AKAP1: variants seen among roughly 807,000 people sequenced by gnomAD.
The protein encoded by AKAP1 is A-kinase anchor protein 1, mitochondrial.
A neutral mutation model predicts 79.8 loss-of-function variants in AKAP1; 32 were observed. That is an observed-to-expected ratio of 0.40 (90% CI 0.30 to 0.54). The LOEUF (loss-of-function observed/expected upper bound fraction) is 0.54, where lower values mean the gene tolerates loss of function less well. Among genes scored for constraint, AKAP1 ranks in the 20% least tolerant of loss-of-function variants. The probability of loss-of-function intolerance (pLI) is 0.47; values close to 1 mark genes in which losing one functional copy is unlikely to be tolerated. For missense variants in AKAP1, 961 were observed against 1,138.9 expected, an observed-to-expected ratio of 0.84 and a Z score of 2.25; for synonymous variants, 416 against 466.7, an observed-to-expected ratio of 0.89 and a Z score of 1.40.
At chr17:57,099,084 T>G (rs1191928079) in intron 1 of AKAP1, among the ~76,000 whole-genome samples, 2 of 151,930 alleles carry the variant, frequency 1.3e-5, no homozygotes, top group Non-Finnish European at 2.9e-5. Flanking sequence ...TCTTGACTAG[T>G]GGGAAGTGGG....
chr17:57,109,078 C>T (rs1248014778), intron 2 of AKAP1, among the ~76,000 whole-genome samples: 1 of 152,204 alleles, frequency 6.6e-6, no homozygotes, highest in Non-Finnish European at 1.5e-5. Flanking sequence ...CCTTAGTTCT[C>T]TGCATCCAGT....
intron 2 of AKAP1, chr17:57,107,797 T>C (rs1176088552): frequency 2.4e-6 from 1 of 418,886 alleles, no homozygotes; most frequent in Non-Finnish European, 4.6e-6. Context: ...CTTGTTCCCA[T>C]GTCTTCACCT....
rs1183802304 is a variant in AKAP1 at position 57,086,574 on chromosome 17, T to C, written c.-25+1176T>C. 1 of 383,370 alleles carries C rather than the reference T, an allele frequency of 2.6e-6. No individual in the cohort carries two copies. Among genetic ancestry groups the C allele is most frequent in the Non-Finnish European group, 5.1e-6 (1 of 194,918 alleles). The allele number at this position is 383,370 out of a possible 1,614,324, so 23.7% of individuals were successfully genotyped here. A position where few individuals can be genotyped will look rare whatever the true frequency, so the allele number is the denominator to read the frequency against. On this transcript the variant is annotated intron_variant, in intron 1 of 10. Coordinates refer to ENST00000337714, the MANE Select transcript of AKAP1 (RefSeq NM_003488.4). This position sits in a 1 kb window ranked among gnomAD's most constrained non-coding sequence, Gnocchi z 5.1. ...GGCCTCTCAAGCTGGGTAGGGTGTA[T>C]GCGCAGGGCAATTAGTGAGGTTAAC...
At chr17:57,104,896 T>G (rs1914745011) in intron 1 of AKAP1, among the ~76,000 whole-genome samples, 1 of 152,246 alleles carries the variant, frequency 6.6e-6, no homozygotes, top group Non-Finnish European at 1.5e-5. Context: ...CTGGAGCATC[T>G]CCTTAGCCAT....
intron 5 of AKAP1, among the ~76,000 whole-genome samples, chr17:57,112,836 G>GT (rs1347242970): frequency 6.6e-6 from 1 of 150,404 alleles, no homozygotes; most frequent in Non-Finnish European, 1.5e-5. Flanking sequence ...AGGCCTCTTG[G>GT]TCCCCACATG....
chr17:57,118,208 T>C (rs891161768), intron 8 of AKAP1, among the ~76,000 whole-genome samples, 173 bp from the exon 9 acceptor site: 2 of 151,736 alleles, frequency 1.3e-5, no homozygotes, highest in Non-Finnish European at 2.9e-5. Flanking sequence ...CCACTGGGAG[T>C]CATATGGAGG....
chr17:57,106,931 C>G lies in AKAP1; in HGVS notation c.1467C>G (p.Thr489=), dbSNP rs1914922733. ...GILVEDATCV[T]CMSDSSQSVP... ...TGGTGGAAGATGCCACCTGTGTCAC[C>G]TGCATGTCAGACAGCAGCCAAAGTG... The change falls in exon 2 of 11, where the codon ACC becomes ACG. Residue 489 remains threonine (T), a synonymous_variant. Coordinates refer to ENST00000337714, the MANE Select transcript of AKAP1 (RefSeq NM_003488.4). The G allele has an allele frequency of 1.2e-6, 2 of 1,613,966 alleles. No homozygotes were observed. Among genetic ancestry groups the G allele is most frequent in the Non-Finnish European group, 1.7e-6 (2 of 1,179,906 alleles).
chr17:57,088,366 C>T (rs1913585905), intron 1 of AKAP1, among the ~76,000 whole-genome samples: 1 of 152,186 alleles, frequency 6.6e-6, no homozygotes. Flanking sequence ...GCTGGAGAAA[C>T]AGGTAGTGGG....
chr17:57,097,931 C>T (rs931907639), intron 1 of AKAP1, among the ~76,000 whole-genome samples: 1 of 152,222 alleles, frequency 6.6e-6, no homozygotes, highest in African/African-American at 2.4e-5. Context: ...TTTGCAGTCA[C>T]TGCAGCCAAA....
At chr17:57,104,032 C>A (rs545686281) in intron 1 of AKAP1, among the ~76,000 whole-genome samples, 34 of 152,062 alleles carry the variant, frequency 2.2e-4, no homozygotes, top group African/African-American at 8.0e-4. Flanking sequence ...GATCTCGGCT[C>A]ACTGCAACCT....
At chr17:57,102,494 C>G (rs1239505220) in intron 1 of AKAP1, among the ~76,000 whole-genome samples, 4 of 145,130 alleles carry the variant, frequency 2.8e-5, no homozygotes, top group Admixed American at 7.0e-5. Flanking sequence ...TTTTTTGAGT[C>G]TCGCTCTGTC....
At chr17:57,090,324 T>TAC (rs150076501) in intron 1 of AKAP1, among the ~76,000 whole-genome samples, 1 of 27,076 alleles carries the variant, frequency 3.7e-5, no homozygotes, top group Non-Finnish European at 6.6e-5. Flanking sequence ...GCTTTTTTTT[T>TAC]TCTGTGTCAT....
At chr17:57,101,983 T>C (rs1914544442) in intron 1 of AKAP1, among the ~76,000 whole-genome samples, 1 of 152,242 alleles carries the variant, frequency 6.6e-6, no homozygotes, top group Admixed American at 6.5e-5. Flanking sequence ...TTCGGTAACA[T>C]CGGTATGTCA....
At chr17:57,117,031 A>G in intron 8 of AKAP1, 104 bp downstream of exon 8, 1 of 1,192,624 alleles carries the variant, frequency 8.4e-7, no homozygotes, top group Non-Finnish European at 1.2e-6. Flanking sequence ...TGCTAACATA[A>G]GTTGCTACCA....
chr17:57,093,218 C>A (rs2144642439), intron 1 of AKAP1: 1 of 152,366 alleles, frequency 6.6e-6, no homozygotes, highest in Admixed American at 6.5e-5. Flanking sequence ...TCAGTTCTCT[C>A]AATCAGTTGA....
chr17:57,116,243 A>T lies in AKAP1; in HGVS notation c.2414A>T (p.Asp805Val). 16 of 1,614,140 alleles carry T rather than the reference A, an allele frequency of 9.9e-6. No homozygotes were observed. Among genetic ancestry groups the T allele is most frequent in the Non-Finnish European group, 1.4e-5 (16 of 1,180,016 alleles). ...DYGGYKRVKV[D>V]VLRQIRSDFV... ...GGCGGATATAAGAGGGTGAAAGTAG[A>T]CGTGCTCCGGCAAATCAGGTGAGCG... Residue 805 changes from aspartate to valine, a missense_variant, in exon 7 of 11, where the codon GAC becomes GTC. By Grantham distance (152) the Asp-to-Val change is radical. This residue lies in a region of AKAP1 where 629 missense variants were observed against 781.1 expected (regional missense o/e 0.81). Transcript: ENST00000337714.
chr17:57,113,234 C>T (rs1008016020), intron 5 of AKAP1, among the ~76,000 whole-genome samples: 9 of 152,214 alleles, frequency 5.9e-5, no homozygotes, highest in Non-Finnish European at 1.2e-4. Flanking sequence ...CTCTCAGGGC[C>T]GTGGCCCATA....
At chr17:57,088,847 A>G (rs1057154989) in intron 1 of AKAP1, among the ~76,000 whole-genome samples, 1 of 152,130 alleles carries the variant, frequency 6.6e-6, no homozygotes, top group Non-Finnish European at 1.5e-5. Flanking sequence ...TTGGTTTGAT[A>G]GTTTGCAGCA....
intron 2 of AKAP1, chr17:57,108,119 C>A (rs932553913): frequency 3.4e-5 from 29 of 840,716 alleles, no homozygotes; most frequent in Middle Eastern, 5.0e-4. Flanking sequence ...AGAGAGGCCA[C>A]GAATATCCCG....
Sources: allele counts gnomAD v4.1 joint callset (sites outside exome capture counted in the v4.1 genomes callset), GRCh38; gene constraint gnomAD v4.1.1; regional missense constraint gnomAD v4.1.1; non-coding constraint Gnocchi (gnomAD v3.1); transcripts MANE v1.5; gene names NCBI Gene and HGNC (gene_info 2026-07-23, HGNC 2026-07-21).